TAFA1: variants seen among roughly 807,000 people sequenced by gnomAD.
TAFA1 encodes chemokine-like protein TAFA-1.
Under a neutral mutation model 18.5 loss-of-function variants are expected in TAFA1, and 4 were observed. The ratio of observed to expected loss-of-function variants is 0.22; its 90% CI spans 0.11 to 0.49. The LOEUF (loss-of-function observed/expected upper bound fraction) is 0.49. Among genes scored for constraint, TAFA1 ranks in the 20% least tolerant of loss-of-function variants. The probability of loss-of-function intolerance (pLI) is 0.98; values close to 1 mark genes in which losing one functional copy is unlikely to be tolerated. For missense variants in TAFA1, 147 were observed against 169.0 expected, an observed-to-expected ratio of 0.87 and a Z score of 0.72; for synonymous variants, 56 against 55.2, an observed-to-expected ratio of 1.01 and a Z score of -0.06.
At chr3:68,112,167 G>A (rs1160992126) in intron 2 of TAFA1, among the ~76,000 whole-genome samples, 2 of 152,040 alleles carry the variant, frequency 1.3e-5, no homozygotes, top group Admixed American at 6.5e-5. Flanking sequence ...TCTGTTCCCT[G>A]TGGTCAGTGG....
chr3:68,536,932 A>G (rs1214710578), intron 3 of TAFA1, among the ~76,000 whole-genome samples: 2 of 152,146 alleles, frequency 1.3e-5, no homozygotes, highest in East Asian at 3.8e-4. Context: ...TTTATCTAAT[A>G]TTACTCTTGA....
chr3:68,349,824 C>T (rs548193721), intron 2 of TAFA1, among the ~76,000 whole-genome samples: 99 of 152,210 alleles, frequency 6.5e-4, no homozygotes, highest in African/African-American at 2.1e-3. Flanking sequence ...ATCACCTTCC[C>T]TAGTGGGGAT....
At chr3:68,388,209 GA>G (rs2070146169) in intron 2 of TAFA1, among the ~76,000 whole-genome samples, 1 of 152,096 alleles carries the variant, frequency 6.6e-6, no homozygotes, top group Non-Finnish European at 1.5e-5. Flanking sequence ...AGTTTTAGGG[GA>G]CATGGCATTG....
At chr3:68,457,260 A>C (rs570677644) in intron 3 of TAFA1, among the ~76,000 whole-genome samples, 1 of 152,218 alleles carries the variant, frequency 6.6e-6, no homozygotes, top group Admixed American at 6.5e-5. Context: ...GAATGGCTCC[A>C]TGTATGGCCT....
chr3:68,417,450 C>G, intron 3 of TAFA1, 30 bp downstream of exon 3: 1 of 1,609,448 alleles, frequency 6.2e-7, no homozygotes, highest in South Asian at 1.1e-5. Context: ...TCTTGAAAAG[C>G]TCACATGGCA....
chr3:68,542,572 T>A (rs1297771723), intron 4 of TAFA1, among the ~76,000 whole-genome samples: 1 of 152,112 alleles, frequency 6.6e-6, no homozygotes, highest in African/African-American at 2.4e-5. Flanking sequence ...GATGTAAAAC[T>A]GAAAAGTATC....
intron 2 of TAFA1, among the ~76,000 whole-genome samples, chr3:68,343,624 G>A (rs1180459124): frequency 6.6e-6 from 1 of 152,144 alleles, no homozygotes; most frequent in African/African-American, 2.4e-5. Flanking sequence ...AGTGATACTT[G>A]AGATCTGTTG....
At chr3:68,020,483 A>G (rs1052968849) in intron 2 of TAFA1, among the ~76,000 whole-genome samples, 1 of 151,832 alleles carries the variant, frequency 6.6e-6, no homozygotes, top group Admixed American at 6.6e-5. Context: ...TCTGTAAGAA[A>G]TAGAGACAAT....
intron 3 of TAFA1, among the ~76,000 whole-genome samples, chr3:68,453,590 C>T (rs141442296): frequency 0.024 from 3,595 of 152,242 alleles, 73 homozygotes; most frequent in South Asian, 0.058. Flanking sequence ...CATAGAATAT[C>T]AATTCTATCT....
At chr3:68,487,292 T>C (rs1209076083) in intron 3 of TAFA1, among the ~76,000 whole-genome samples, 2 of 152,206 alleles carry the variant, frequency 1.3e-5, no homozygotes, top group Non-Finnish European at 2.9e-5. Flanking sequence ...CACTGTAAAT[T>C]TCTTTTATTA....
chr3:68,426,051 T>TC (rs1400962608), intron 3 of TAFA1, among the ~76,000 whole-genome samples: 1 of 151,488 alleles, frequency 6.6e-6, no homozygotes, highest in Non-Finnish European at 1.5e-5. Flanking sequence ...GAATTATTTT[T>TC]TCTAAAAAAT....
intron 2 of TAFA1, among the ~76,000 whole-genome samples, chr3:68,051,241 A>T (rs1191300384): frequency 6.6e-6 from 1 of 152,176 alleles, no homozygotes; most frequent in African/African-American, 2.4e-5. Context: ...TATTATATTC[A>T]TTTCAATTTC....
At chr3:68,150,710 G>A (rs1406602666) in intron 2 of TAFA1, among the ~76,000 whole-genome samples, 2 of 152,004 alleles carry the variant, frequency 1.3e-5, no homozygotes, top group Non-Finnish European at 2.9e-5. Context: ...TATTGAAATT[G>A]ATGAGTTAGG....
intron 2 of TAFA1, among the ~76,000 whole-genome samples, chr3:68,331,394 TA>T (rs796922034): frequency 1.3e-5 from 2 of 152,340 alleles, no homozygotes; most frequent in African/African-American, 4.8e-5. Context: ...GTGAATGTAC[TA>T]AATGCCACTA....
chr3:68,479,423 A>T lies in TAFA1; in HGVS notation c.260-59333A>T, dbSNP rs552930011. Among the ~76,000 whole-genome samples, 3 of 151,996 alleles carry T rather than the reference A, an allele frequency of 2.0e-5. 1 individual carries two copies. Among genetic ancestry groups the T allele is most frequent in the African/African-American group, 7.2e-5 (3 of 41,466 alleles). ...CTTCTTAGATCTTACAGCTCTTTCA[A>T]TGTCCTAAATGCAAGACTTCCAGAG... On this transcript the variant is annotated intron_variant, in intron 3 of 4. Transcript: ENST00000478136.
At chr3:68,030,125 G>A (rs1315166168) in intron 2 of TAFA1, among the ~76,000 whole-genome samples, 3 of 152,194 alleles carry the variant, frequency 2.0e-5, no homozygotes, top group East Asian at 3.9e-4. Flanking sequence ...AAAATATCAT[G>A]AGAATAAAGA....
Position 68,222,782 on chromosome 3 carries a change from C to T in TAFA1, c.119-194498C>T, listed in dbSNP as rs147316607. 8.8e-3 allele frequency among the ~76,000 whole-genome samples: 1,333 copies of T among 152,086 alleles called. 14 individuals are homozygous for T. The highest frequency in any genetic ancestry group is 0.024 in the Middle Eastern group (7 of 294). ...TTGGCTCACAGGTTCAAGCGATTCT[C>T]CTGTCTCAACCTCCCAAGTAGCTGG... On this transcript the variant is annotated intron_variant, in intron 2 of 4. Transcript: ENST00000478136.
At chr3:68,116,262 A>G (rs2065323839) in intron 2 of TAFA1, among the ~76,000 whole-genome samples, 1 of 40,876 alleles carries the variant, frequency 2.4e-5, no homozygotes, top group Non-Finnish European at 6.9e-5. Context: ...CGCAAAAACA[A>G]ACAAACAAAC....
intron 2 of TAFA1, among the ~76,000 whole-genome samples, chr3:68,134,275 G>A (rs1051164093): frequency 6.6e-6 from 1 of 152,002 alleles, no homozygotes; most frequent in Non-Finnish European, 1.5e-5. Flanking sequence ...AGTTCTGAAA[G>A]GAAAAGAGGT....
Sources: gnomAD v4.1 joint callset for allele counts (sites outside exome capture counted in the v4.1 genomes callset) on GRCh38, gnomAD v4.1.1 for gene constraint, MANE v1.5 for transcripts, NCBI Gene and HGNC (gene_info 2026-07-23, HGNC 2026-07-21) for gene names.